The following FARSB variants were observed in gnomAD, a reference collection of about 807,000 sequenced individuals.
The protein encoded by FARSB is phenylalanine--tRNA ligase beta subunit.
A neutral mutation model predicts 69.6 loss-of-function variants in FARSB; 40 were observed. The ratio of observed to expected loss-of-function variants is 0.57; its 90% CI spans 0.45 to 0.75. The LOEUF (loss-of-function observed/expected upper bound fraction) is 0.75, where lower values mean the gene tolerates loss of function less well. FARSB is among the 30% of genes least tolerant of loss of function. The pLI, the probability that FARSB is intolerant of heterozygous loss-of-function variation, is 0.00. For missense variants in FARSB, 632 were observed against 722.9 expected, an observed-to-expected ratio of 0.87 and a Z score of 1.44; for synonymous variants, 235 against 247.2, an observed-to-expected ratio of 0.95 and a Z score of 0.46.
In FARSB at chr2:222,628,860, T is replaced by C. The variant is rs760995858; in HGVS notation, c.877A>G (p.Asn293Asp). 7 of 1,609,064 alleles carry C rather than the reference T, an allele frequency of 4.4e-6. No individual in the cohort carries two copies. The South Asian group carries it at 6.6e-5, about 15-fold the overall frequency. ...TVEAAEVVFP[N>D]GKSHTFPELA... ...ACTGGAAAGGTATGTGATTTTCCAT[T>C]AGGAAAAACCACTTCAGCAGCTTCG... The change falls in exon 10 of 17, where the codon AAT becomes GAT. Residue 293 changes from asparagine (N) to aspartate (D), a missense_variant. Physicochemically the swap from Asn to Asp is conservative, Grantham distance 23. Transcript: ENST00000281828.
At chr2:222,640,757 A>G in intron 4 of FARSB, 105 bp downstream of exon 4, 1 of 651,594 alleles carries the variant, frequency 1.5e-6, no homozygotes. Flanking sequence ...CCCTGTCTCA[A>G]AACAAAAAAA....
intron 16 of FARSB, among the ~76,000 whole-genome samples, chr2:222,584,389 C>T (rs150681394): frequency 3.4e-4 from 52 of 152,216 alleles, no homozygotes; most frequent in African/African-American, 1.0e-3. Flanking sequence ...CCAAGATAAC[C>T]GAATAGGAAC....
intron 15 of FARSB, among the ~76,000 whole-genome samples, chr2:222,613,569 C>A (rs1046000671): frequency 2.6e-5 from 4 of 152,112 alleles, no homozygotes; most frequent in African/African-American, 7.2e-5. Context: ...TAAATAAATA[C>A]ATACTAAAGT....
At chr2:222,578,165 T>C (rs1406216656) in intron 16 of FARSB, among the ~76,000 whole-genome samples, 3 of 152,234 alleles carry the variant, frequency 2.0e-5, no homozygotes, top group Non-Finnish European at 4.4e-5. Context: ...TTTTCACATT[T>C]CTTCAATATG....
intron 1 of FARSB, 95 bp from the exon 2 acceptor site, chr2:222,648,890 C>T (rs932957001): frequency 2.4e-6 from 2 of 824,742 alleles, no homozygotes; most frequent in South Asian, 1.4e-5. Context: ...AATTGCCTTA[C>T]ACCAATCATA....
Position 222,640,993 on chromosome 2 carries a change from A to G in FARSB, c.270-62T>C, listed in dbSNP as rs1691706202. ...TCAAGACATTATATAAAATAATTACATTCTATGCTGTATATAGGAAGTATA... is the reference window on the plus strand; with the variant it reads ...TCAAGACATTATATAAAATAATTACGTTCTATGCTGTATATAGGAAGTATA... On this transcript the variant is annotated intron_variant, in intron 3 of 16. Transcript: ENST00000281828. 5.9e-6 allele frequency: 5 copies of G among 851,228 alleles called. No individual in the cohort carries two copies. The East Asian group carries it at 1.4e-4, about 24-fold the overall frequency. 52.7% of individuals were successfully genotyped at this position (851,228 alleles called of 1,614,324 possible).
At chr2:222,646,896 G>GT (rs1691879570) in intron 2 of FARSB, among the ~76,000 whole-genome samples, 2 of 152,196 alleles carry the variant, frequency 1.3e-5, no homozygotes, top group African/African-American at 4.8e-5. Context: ...TATTGCTCCA[G>GT]TTTTTTCCTG....
intron 6 of FARSB, among the ~76,000 whole-genome samples, chr2:222,634,184 A>C (rs564485845): frequency 9.8e-5 from 15 of 152,336 alleles, no homozygotes; most frequent in African/African-American, 3.6e-4. Flanking sequence ...CACTGAAATC[A>C]TATCAGAGGT....
In FARSB at chr2:222,624,414, T is replaced by A. The variant is rs199579249; in HGVS notation, c.1028A>T (p.Asp343Val). 3.7e-6 allele frequency: 6 copies of A among 1,613,108 alleles called. No individual in the cohort carries two copies. The Admixed American group carries it at 1.0e-4, about 27-fold the overall frequency. ...RMYLKSEVIG[D>V]GNQIEIEIPP... ...GATTTCAATCTCAATCTGATTCCCA[T>A]CACCTATGACTTCTGATTTTAAATA... The change falls in exon 12 of 17, where the codon GAT (aspartate) becomes GTT (valine). Residue 343 changes from aspartate to valine, a missense_variant. Physicochemically the swap from Asp to Val is radical, Grantham distance 152 (BLOSUM62 -3). Transcript: ENST00000281828.
intron 16 of FARSB, among the ~76,000 whole-genome samples, chr2:222,595,392 G>A (rs1325568363): frequency 6.6e-6 from 1 of 152,048 alleles, no homozygotes; most frequent in African/African-American, 2.4e-5. Context: ...TTTCACAGGT[G>A]TCCTGAAAGG....
chr2:222,635,300 G>A (rs1691551753), intron 5 of FARSB, among the ~76,000 whole-genome samples: 1 of 152,174 alleles, frequency 6.6e-6, no homozygotes, highest in African/African-American at 2.4e-5. Context: ...TTGAAAGGAG[G>A]AACTTGGTCA....
chr2:222,651,166 G>A (rs1373632959), intron 1 of FARSB, among the ~76,000 whole-genome samples: 1 of 152,196 alleles, frequency 6.6e-6, no homozygotes, highest in African/African-American at 2.4e-5. Flanking sequence ...GAAAGCAGAA[G>A]AAGAGGAATC....
intron 15 of FARSB, among the ~76,000 whole-genome samples, chr2:222,606,986 A>G (rs1354501935): frequency 6.6e-6 from 1 of 152,260 alleles, no homozygotes; most frequent in Non-Finnish European, 1.5e-5. Flanking sequence ...AATTCAGAAA[A>G]TAAAACAAAG....
intron 2 of FARSB, among the ~76,000 whole-genome samples, chr2:222,645,743 T>C (rs977306598): frequency 6.6e-6 from 1 of 152,106 alleles, no homozygotes; most frequent in Non-Finnish European, 1.5e-5. Context: ...CTAAAGTACT[T>C]TGTCATTGAC....
At chr2:222,633,336 A>AT in intron 6 of FARSB, 29 bp from the exon 7 acceptor site, 3 of 1,130,736 alleles carry the variant, frequency 2.7e-6, no homozygotes, top group Non-Finnish European at 2.6e-6. Context: ...AAATAAAATT[A>AT]GTTTTTTTTT....
chr2:222,640,382 C>T (rs1691689691), intron 4 of FARSB, among the ~76,000 whole-genome samples: 1 of 151,046 alleles, frequency 6.6e-6, no homozygotes. Flanking sequence ...CCCAAATACT[C>T]AAGAAGCTGC....
Position 222,571,957 on chromosome 2 carries a change from C to G in FARSB, c.1684G>C (p.Gly562Arg), listed in dbSNP as rs267599217. Reference protein sequence around the residue: ...FARGQSVGKLGVLHPDVITKF... With the variant: ...FARGQSVGKLRVLHPDVITKF... ...GTGATAACGTCAGGATGAAGGACCC[C>G]AAGCTTCCCGACGCTTTGACCCCTG... is the stretch of plus-strand genomic sequence containing the variant. Residue 562 changes from glycine to arginine, a missense_variant, in exon 17 of 17, where the codon GGG (glycine) becomes CGG (arginine). Coordinates refer to ENST00000281828, the MANE Select transcript of FARSB (RefSeq NM_005687.5). 4.3e-6 allele frequency: 7 copies of G among 1,613,766 alleles called. No homozygotes were observed. The highest frequency in any genetic ancestry group is 5.9e-6 in the Non-Finnish European group (7 of 1,179,926).
intron 1 of FARSB, among the ~76,000 whole-genome samples, chr2:222,654,196 T>C (rs1692112940): frequency 6.6e-6 from 1 of 152,078 alleles, no homozygotes; most frequent in Non-Finnish European, 1.5e-5. Flanking sequence ...GCATTCCCAA[T>C]CCAAAAATCT....
At position 222,642,876 on chromosome 2, in the gene FARSB, G is replaced by A. The variant is rs772259212; in HGVS notation, c.244C>T (p.Arg82Ter). 1.6e-5 allele frequency: 25 copies of A among 1,610,402 alleles called. No homozygotes were observed. The highest frequency in any genetic ancestry group is 2.0e-5 in the Non-Finnish European group (24 of 1,178,008). Reference sequence around the variant, plus strand: ...CTTTCTTTGAAGACCTGAAGTCCTCGAACCAATCCTTCCAGACACAGGAGA... The same window carrying A: ...CTTTCTTTGAAGACCTGAAGTCCTCAAACCAATCCTTCCAGACACAGGAGA... ...YDLLCLEGLV[R>*]GLQVFKERIK... Residue 82 changes from arginine to a stop codon, truncating the protein, a stop_gained, in exon 3 of 17, where the codon CGA (arginine) becomes TGA (stop). Coordinates refer to ENST00000281828, the MANE Select transcript of FARSB (RefSeq NM_005687.5). LOFTEE classifies it high-confidence loss of function.
Sources: allele counts gnomAD v4.1 joint callset (sites outside exome capture counted in the v4.1 genomes callset), GRCh38; gene constraint gnomAD v4.1.1; transcripts MANE v1.5; gene names NCBI Gene and HGNC (gene_info 2026-07-23, HGNC 2026-07-21).